Variants in MICAL3 observed in about 807,000 individuals in gnomAD.
MICAL3 encodes the protein [F-actin]-monooxygenase MICAL3.
Under a neutral mutation model 207.4 loss-of-function variants are expected in MICAL3, and 62 were observed. The ratio of observed to expected loss-of-function variants is 0.30; its 90% confidence interval spans 0.24 to 0.37. The LOEUF is 0.37. Ranked by LOEUF, MICAL3 falls within the 10% of genes least tolerant of loss-of-function variation. The pLI, the probability that MICAL3 is intolerant of heterozygous loss-of-function variation, is 1.00. For synonymous variants in MICAL3, 1,077 were observed against 1,069.3 expected, an observed-to-expected ratio of 1.01 and a Z score of -0.14; for missense variants, 2,368 against 2,635.6, an observed-to-expected ratio of 0.90 and a Z score of 2.22.
intron 29 of MICAL3, among the ~76,000 whole-genome samples, chr22:17,803,186 C>T (rs565166849): frequency 6.6e-6 from 1 of 152,218 alleles, no homozygotes; most frequent in Non-Finnish European, 1.5e-5. Flanking sequence ...TTGAGAACCA[C>T]GGCCTGGAGC....
intron 19 of MICAL3, among the ~76,000 whole-genome samples, chr22:17,850,819 AG>A (rs1373329029): frequency 2.0e-5 from 3 of 152,174 alleles, no homozygotes; most frequent in Non-Finnish European, 2.9e-5. Flanking sequence ...TATCTGGTCA[AG>A]GCAAAGAGGT....
intron 1 of MICAL3, chr22:18,004,966 C>A (rs1173493935): frequency 6.6e-6 from 1 of 151,512 alleles, no homozygotes; most frequent in African/African-American, 2.4e-5. Context: ...CAGAGTCACA[C>A]TCTGTCACCC....
rs183662296 is a variant in MICAL3, at chr22:17,802,799, C to T, written c.5650+6045G>A. 1.6e-4 allele frequency among the ~76,000 whole-genome samples: 25 copies of T among 152,236 alleles called. 1 individual carries two copies. The highest frequency in any genetic ancestry group is 6.8e-3 in the Middle Eastern group (2 of 294). ...TTGAAGACCACCTCTAGGCATGGAG[C>T]CTCCACGGGGAGATGAAGGGGGTAG... On this transcript the variant is annotated intron_variant, in intron 29 of 31. Transcript: ENST00000441493.
At chr22:17,899,280 A>G (rs1451220456) in intron 7 of MICAL3, 168 bp downstream of exon 7, 3 of 692,396 alleles carry the variant, frequency 4.3e-6, no homozygotes, top group Non-Finnish European at 5.3e-6. Context: ...GAAATTAGCC[A>G]TAGTTAAGAG....
rs766311290 is a variant in MICAL3, at chr22:17,900,916, G to A, written c.773C>T (p.Ala258Val). The A allele has an allele frequency of 3.1e-6, 5 of 1,614,004 alleles. No individual in the cohort carries two copies. The highest frequency in any genetic ancestry group is 4.5e-5 in the East Asian group (2 of 44,886). ...NFINRNTTAE[A>V]KVEEISGVAF... ...CACACCACTGATCTCTTCCACTTTAGCTTCTGCTGTTGTATTTCGGTTGAT... is the reference window on the plus strand; with the variant it reads ...CACACCACTGATCTCTTCCACTTTAACTTCTGCTGTTGTATTTCGGTTGAT... Residue 258 changes from alanine (A) to valine (V), a missense_variant, in exon 6 of 32, where the codon GCT becomes GTT. This residue lies in a region of MICAL3 where 400 missense variants were observed against 547.0 expected (regional missense o/e 0.73). Transcript: ENST00000441493. This position sits in a 1 kb window ranked among gnomAD's most constrained non-coding sequence, Gnocchi z 4.0.
At chr22:17,901,827 G>A (rs1931344837) in intron 5 of MICAL3, 51 bp downstream of exon 5, 2 of 1,417,196 alleles carry the variant, frequency 1.4e-6, no homozygotes, top group Admixed American at 3.4e-5. Context: ...AGGTAGGATA[G>A]CATCAGCTTT....
chr22:18,015,822 T>A (rs1174300342), intron 1 of MICAL3, among the ~76,000 whole-genome samples: 1 of 152,216 alleles, frequency 6.6e-6, no homozygotes, highest in Non-Finnish European at 1.5e-5. Flanking sequence ...CATGTTTCTT[T>A]CTACATGCCT....
At chr22:17,954,086 T>C (rs1247739232) in intron 1 of MICAL3, among the ~76,000 whole-genome samples, 1 of 151,652 alleles carries the variant, frequency 6.6e-6, no homozygotes, top group Non-Finnish European at 1.5e-5. Context: ...TACGGGAAAC[T>C]ATGAAAGAAG....
chr22:17,878,807 G>C (rs145419393), intron 16 of MICAL3, among the ~76,000 whole-genome samples: 1 of 152,236 alleles, frequency 6.6e-6, no homozygotes, highest in African/African-American at 2.4e-5. Context: ...AAAGACTAAA[G>C]CTTTCCACGG....
intron 16 of MICAL3, chr22:17,875,536 G>T: frequency 6.4e-7 from 1 of 1,552,144 alleles, no homozygotes; most frequent in South Asian, 1.2e-5. Flanking sequence ...AAAAATCGAC[G>T]AGGAGGTTCA....
At chr22:17,954,249 T>C (rs948715767) in intron 1 of MICAL3, among the ~76,000 whole-genome samples, 1 of 152,166 alleles carries the variant, frequency 6.6e-6, no homozygotes, top group Admixed American at 6.5e-5. Flanking sequence ...ACCACTATGA[T>C]AGGTGCAGGG....
chr22:17,854,630 GTA>G (rs1242231253), intron 19 of MICAL3, among the ~76,000 whole-genome samples: 2 of 152,200 alleles, frequency 1.3e-5, no homozygotes, highest in African/African-American at 4.8e-5. Context: ...TGCACCCCAA[GTA>G]GCTGCATGAG....
At chr22:17,806,247 G>A (rs539986225) in intron 29 of MICAL3, among the ~76,000 whole-genome samples, 4 of 152,322 alleles carry the variant, frequency 2.6e-5, no homozygotes, top group South Asian at 2.1e-4. Flanking sequence ...ACCTGCCACC[G>A]TTCAGGGTCT....
Position 17,901,907 on chromosome 22 carries a change from C to G in MICAL3, c.662G>C (p.Gly221Ala), listed in dbSNP as rs1289157557. 6.2e-7 allele frequency: 1 copy of G among 1,613,560 alleles called. No homozygotes were observed. The highest frequency in any genetic ancestry group is 8.5e-7 in the Non-Finnish European group (1 of 1,179,672). Residue 221 changes from glycine (G) to alanine (A), a missense_variant, in exon 5 of 32, where the codon GGT becomes GCT. By Grantham distance (60) the Gly-to-Ala change is moderately conservative. Transcript: ENST00000441493. ...CAAGGTGTTCCTCCGACCATCCCCACCGATGATCACTTCAAATTCATACTC... is the reference window on the plus strand; with the variant it reads ...CAAGGTGTTCCTCCGACCATCCCCAGCGATGATCACTTCAAATTCATACTC... Reference protein sequence around the residue: ...VSEYEFEVIIGGDGRRNTLEG... With the variant: ...VSEYEFEVIIAGDGRRNTLEG...
intron 12 of MICAL3, among the ~76,000 whole-genome samples, chr22:17,890,434 C>T (rs1374394763): frequency 6.6e-6 from 1 of 152,120 alleles, no homozygotes; most frequent in Non-Finnish European, 1.5e-5. Context: ...TGCCACTGAT[C>T]ACAATCTTTC....
chr22:18,003,498 G>T (rs566218586), intron 1 of MICAL3, among the ~76,000 whole-genome samples: 1 of 152,262 alleles, frequency 6.6e-6, no homozygotes, highest in African/African-American at 2.4e-5. Flanking sequence ...AGCTGCGAAA[G>T]TGCTCGTCCC....
intron 27 of MICAL3, chr22:17,813,033 A>C (rs1025181329): frequency 1.8e-4 from 28 of 152,260 alleles, no homozygotes; most frequent in African/African-American, 6.7e-4. Flanking sequence ...AGACGCAGCA[A>C]AACTGGGAGG....
At chr22:17,990,658 G>A (rs1414109287) in intron 1 of MICAL3, among the ~76,000 whole-genome samples, 1 of 152,168 alleles carries the variant, frequency 6.6e-6, no homozygotes, top group East Asian at 1.9e-4. Flanking sequence ...CAGTTTGAGT[G>A]TCTTACTCTG....
At chr22:17,798,712 C>T (rs896696577) in intron 29 of MICAL3, among the ~76,000 whole-genome samples, 1 of 134,392 alleles carries the variant, frequency 7.4e-6, no homozygotes, top group African/African-American at 3.0e-5. Flanking sequence ...CTCCCTCTGT[C>T]ACCCAGGCTG....
Sources: allele counts gnomAD v4.1 joint callset (sites outside exome capture counted in the v4.1 genomes callset), GRCh38; gene constraint gnomAD v4.1.1; regional missense constraint gnomAD v4.1.1; non-coding constraint Gnocchi (gnomAD v3.1); transcripts MANE v1.5; gene names NCBI Gene and HGNC (gene_info 2026-07-23, HGNC 2026-07-21).